Variants in MYO3A observed in about 807,000 individuals in gnomAD.
MYO3A encodes myosin IIIA, also known as myosin-IIIa.
A neutral mutation model predicts 192.7 loss-of-function variants in MYO3A; 180 were observed. That is an observed-to-expected ratio of 0.93 (90% CI 0.83 to 1.06). The LOEUF is 1.06. MYO3A is among the 50% of genes least tolerant of loss of function. The probability of loss-of-function intolerance (pLI) is 0.00; values close to 1 mark genes in which losing one functional copy is unlikely to be tolerated. For missense variants in MYO3A, 1,896 were observed against 1,905.0 expected (o/e 1.00, Z 0.09); for synonymous variants, 628 against 645.3 (o/e 0.97, Z 0.41).
chr10:26,152,809 AACTGTGGC>A (rs1840875273), intron 23 of MYO3A, among the ~76,000 whole-genome samples: 1 of 152,142 alleles, frequency 6.6e-6, no homozygotes, highest in African/African-American at 2.4e-5. Context: ...CTAGCATGGA[AACTGTGGC>A]ACACACCCGT....
intron 22 of MYO3A, among the ~76,000 whole-genome samples, chr10:26,146,633 G>T (rs1177559984): frequency 6.6e-6 from 1 of 152,170 alleles, no homozygotes; most frequent in Non-Finnish European, 1.5e-5. Flanking sequence ...TCTTATTGGT[G>T]TAGGGTCTTA....
intron 17 of MYO3A, among the ~76,000 whole-genome samples, chr10:26,115,144 G>A (rs1042104057): frequency 6.6e-6 from 1 of 152,136 alleles, no homozygotes; most frequent in African/African-American, 2.4e-5. Flanking sequence ...AGGGGAATAG[G>A]GGCCATTGAA....
At chr10:26,133,779 A>G (rs1839691406) in intron 20 of MYO3A, among the ~76,000 whole-genome samples, 2 of 152,182 alleles carry the variant, frequency 1.3e-5, no homozygotes, top group African/African-American at 2.4e-5. Flanking sequence ...AAGTTTTGAT[A>G]AAAAGTAATT....
intron 10 of MYO3A, among the ~76,000 whole-genome samples, chr10:26,061,055 A>C (rs1305621815): frequency 1.3e-5 from 2 of 151,784 alleles, no homozygotes; most frequent in Non-Finnish European, 2.9e-5. Flanking sequence ...CAGCCTCCTG[A>C]GTAGCTGGGA....
chr10:25,998,360 A>G (rs892751127), intron 6 of MYO3A, among the ~76,000 whole-genome samples: 20 of 152,208 alleles, frequency 1.3e-4, no homozygotes, highest in African/African-American at 4.3e-4. Context: ...TCTAGAGAGG[A>G]ATGGATGAAT....
At chr10:26,007,826 C>T (rs956236028) in intron 6 of MYO3A, among the ~76,000 whole-genome samples, 36 of 151,764 alleles carry the variant, frequency 2.4e-4, no homozygotes, top group African/African-American at 8.8e-4. Flanking sequence ...TTTATAGATT[C>T]ATTGCCATCC....
intron 6 of MYO3A, among the ~76,000 whole-genome samples, chr10:26,002,707 G>GTAATCGGAATGAGTC (rs1840917920): frequency 7.5e-6 from 1 of 133,970 alleles, no homozygotes; most frequent in African/African-American, 3.3e-5. Flanking sequence ...CAGGGTGGAG[G>GTAATCGGAATGAGTC]AGGTAATTGA....
intron 6 of MYO3A, among the ~76,000 whole-genome samples, chr10:26,009,992 A>G (rs967216370): frequency 6.6e-6 from 1 of 152,160 alleles, no homozygotes; most frequent in Non-Finnish European, 1.5e-5. Context: ...CTCTACAGCT[A>G]AGGTCCAGTA....
intron 8 of MYO3A, chr10:26,023,308 T>G (rs1353805819): frequency 6.6e-6 from 1 of 152,220 alleles, no homozygotes; most frequent in Non-Finnish European, 1.5e-5. Context: ...CTGTTAGAAT[T>G]AACATAAAGC....
chr10:26,177,691 G>A (rs1842401360), intron 31 of MYO3A, among the ~76,000 whole-genome samples: 1 of 152,140 alleles, frequency 6.6e-6, no homozygotes, highest in Non-Finnish European at 1.5e-5. Flanking sequence ...ATTTTCCCTT[G>A]CTTTCTTGGA....
At chr10:26,020,777 A>C (rs1024390980) in intron 7 of MYO3A, among the ~76,000 whole-genome samples, 1 of 152,192 alleles carries the variant, frequency 6.6e-6, no homozygotes, top group African/African-American at 2.4e-5. Flanking sequence ...TCAATGCAAT[A>C]ATTTCTCTAT....
intron 10 of MYO3A, among the ~76,000 whole-genome samples, chr10:26,062,530 A>AAAAAACAAAAAAAACAAAAAAAACCG (rs1554816581): frequency 1.2e-4 from 15 of 125,946 alleles, no homozygotes; most frequent in Admixed American, 6.6e-4. Flanking sequence ...AAAAAAAAAA[A>AAAAAACAAAAAAAACAAAAAAAACCG]AAATTATGGA....
Position 26,212,406 on chromosome 10 carries a change from T to C in MYO3A, c.*443T>C, listed in dbSNP as rs977407875. 1 of 292,190 alleles carries C rather than the reference T, an allele frequency of 3.4e-6. No homozygotes were observed. The highest frequency in any genetic ancestry group is 2.2e-5 in the African/African-American group (1 of 46,386). The allele number at this position is 292,190 out of a possible 1,614,324, so 18.1% of individuals were successfully genotyped here. A position where few individuals can be genotyped will look rare whatever the true frequency, so the allele number is the denominator to read the frequency against. ...TGGCCAACAGAACACTTGCTAGCGG[T>C]TGAATCTTAGAGAAAAAAGCCCGGG... On this transcript the variant is annotated 3_prime_UTR_variant, in exon 35 of 35. Coordinates refer to ENST00000642920, the MANE Select transcript of MYO3A (RefSeq NM_017433.5).
At chr10:26,130,161 G>A (rs972315211) in intron 20 of MYO3A, among the ~76,000 whole-genome samples, 12 of 151,884 alleles carry the variant, frequency 7.9e-5, no homozygotes, top group African/African-American at 2.9e-4. Flanking sequence ...CTGTAGTGCA[G>A]TGGGGTGGTG....
chr10:26,053,707 T>C (rs113969743), intron 10 of MYO3A, among the ~76,000 whole-genome samples: 24,614 of 151,842 alleles, frequency 0.16, 2,272 homozygotes, highest in Non-Finnish European at 0.21. Flanking sequence ...TGCCTGTAAT[T>C]CCAGGTACTC....
At chr10:26,143,412 T>C in intron 20 of MYO3A, 36 bp from the exon 21 acceptor site, 1 of 1,565,764 alleles carries the variant, frequency 6.4e-7, no homozygotes, top group Non-Finnish European at 8.8e-7. Flanking sequence ...AGCTATATAT[T>C]ATTCACAGTT....
intron 15 of MYO3A, among the ~76,000 whole-genome samples, chr10:26,095,850 G>A (rs548733808): frequency 6.6e-6 from 1 of 152,162 alleles, no homozygotes; most frequent in Non-Finnish European, 1.5e-5. Flanking sequence ...AAAGGCGTGG[G>A]CTTTGGGGTC....
chr10:26,152,089 C>G (rs1840826252), intron 23 of MYO3A, among the ~76,000 whole-genome samples: 1 of 152,146 alleles, frequency 6.6e-6, no homozygotes, highest in South Asian at 2.1e-4. Context: ...CAGCCAGGCT[C>G]TAAATACTAT....
intron 4 of MYO3A, among the ~76,000 whole-genome samples, chr10:25,960,664 T>C (rs1279663270): frequency 2.0e-5 from 3 of 152,200 alleles, no homozygotes; most frequent in Non-Finnish European, 2.9e-5. Flanking sequence ...TGGATCATCA[T>C]AAAGGTCTTT....
Sources: gnomAD v4.1 joint callset for allele counts (sites outside exome capture counted in the v4.1 genomes callset) on GRCh38, gnomAD v4.1.1 for gene constraint, MANE v1.5 for transcripts, NCBI Gene and HGNC (gene_info 2026-07-23, HGNC 2026-07-21) for gene names.